The following ANKS1B variants were observed in gnomAD, a reference collection of about 807,000 sequenced individuals.
The protein encoded by ANKS1B is ankyrin repeat and sterile alpha motif domain-containing protein 1B.
ANKS1B carries 36 observed loss-of-function variants against 148.3 expected under a neutral mutation model. The ratio of observed to expected loss-of-function variants is 0.24; its 90% CI spans 0.19 to 0.32. The LOEUF (loss-of-function observed/expected upper bound fraction) is 0.32, where lower values mean the gene tolerates loss of function less well. ANKS1B is among the 10% of genes least tolerant of loss of function. The pLI, the probability that ANKS1B is intolerant of heterozygous loss-of-function variation, is 1.00. For synonymous variants in ANKS1B, 542 were observed against 560.8 expected (o/e 0.97, Z 0.47); for missense variants, 1,157 against 1,542.6 (o/e 0.75, Z 4.19).
intron 1 of ANKS1B, among the ~76,000 whole-genome samples, chr12:99,900,755 G>A (rs984302498): frequency 6.6e-6 from 1 of 152,010 alleles, no homozygotes; most frequent in Non-Finnish European, 1.5e-5. Context: ...TTAGAACCTT[G>A]GTCTTCTGAC....
intron 9 of ANKS1B, among the ~76,000 whole-genome samples, chr12:99,578,453 A>T (rs1248832920): frequency 6.6e-6 from 1 of 152,194 alleles, no homozygotes; most frequent in African/African-American, 2.4e-5. Flanking sequence ...ACACTTAGAA[A>T]ACCCCACAGT....
intron 9 of ANKS1B, among the ~76,000 whole-genome samples, chr12:99,620,877 G>A (rs1375253442): frequency 6.6e-6 from 1 of 152,098 alleles, no homozygotes; most frequent in Non-Finnish European, 1.5e-5. Flanking sequence ...TTGCTAGAGA[G>A]GTAGACATCT....
intron 14 of ANKS1B, among the ~76,000 whole-genome samples, chr12:99,181,100 G>A (rs2079060383): frequency 6.6e-6 from 1 of 152,078 alleles, no homozygotes. Context: ...GCTTTCCTTG[G>A]GTTTGTGGGT....
intron 14 of ANKS1B, among the ~76,000 whole-genome samples, chr12:99,167,095 T>C (rs1251346605): frequency 6.6e-6 from 1 of 152,048 alleles, no homozygotes; most frequent in Non-Finnish European, 1.5e-5. Context: ...TTTCATCATA[T>C]ATAAAAATTA....
At chr12:99,910,610 A>G (rs1242844299) in intron 1 of ANKS1B, among the ~76,000 whole-genome samples, 2 of 152,194 alleles carry the variant, frequency 1.3e-5, no homozygotes, top group Non-Finnish European at 2.9e-5. Context: ...AGCGATGAAC[A>G]TATTCTAAAA....
intron 17 of ANKS1B, among the ~76,000 whole-genome samples, chr12:98,973,860 C>A (rs1202224117): frequency 6.7e-6 from 1 of 149,968 alleles, no homozygotes; most frequent in Non-Finnish European, 1.5e-5. Context: ...TAGATACGTA[C>A]CTGCGATATG....
intron 25 of ANKS1B, among the ~76,000 whole-genome samples, chr12:98,767,635 TA>T (rs2098502794): frequency 6.6e-6 from 1 of 152,242 alleles, no homozygotes; most frequent in Admixed American, 6.5e-5. Flanking sequence ...TTAATGCTAT[TA>T]AAAAGGAAGA....
At chr12:99,306,460 A>G (rs1318178291) in intron 12 of ANKS1B, among the ~76,000 whole-genome samples, 1 of 151,940 alleles carries the variant, frequency 6.6e-6, no homozygotes, top group Non-Finnish European at 1.5e-5. Context: ...AACTTTCACC[A>G]CTGAATCCTT....
At chr12:99,685,608 T>C (rs1200051824) in intron 8 of ANKS1B, among the ~76,000 whole-genome samples, 2 of 152,154 alleles carry the variant, frequency 1.3e-5, no homozygotes, top group Admixed American at 6.6e-5. Context: ...GAAGTCATTA[T>C]ATGAAAAAGA....
At chr12:99,396,488 AT>A (rs1282016256) in intron 12 of ANKS1B, among the ~76,000 whole-genome samples, 1 of 152,180 alleles carries the variant, frequency 6.6e-6, no homozygotes, top group Non-Finnish European at 1.5e-5. Flanking sequence ...GAGGTGATAT[AT>A]TATCTTAGAA....
chr12:98,767,475 C>A (rs1046274742), intron 25 of ANKS1B, among the ~76,000 whole-genome samples: 1 of 152,180 alleles, frequency 6.6e-6, no homozygotes, highest in Middle Eastern at 3.2e-3. Flanking sequence ...CTGAGACCGT[C>A]TCAGCCTCGC....
chr12:99,201,638 T>C (rs969855651), intron 14 of ANKS1B, among the ~76,000 whole-genome samples: 1 of 152,154 alleles, frequency 6.6e-6, no homozygotes, highest in African/African-American at 2.4e-5. Context: ...GCATGATAAA[T>C]TTTGCATGTA....
chr12:99,114,778 A>G (rs1224517141), intron 15 of ANKS1B, among the ~76,000 whole-genome samples: 1 of 152,134 alleles, frequency 6.6e-6, no homozygotes, highest in Non-Finnish European at 1.5e-5. Flanking sequence ...TAAATTCACA[A>G]GAAATAAACA....
At position 98,829,106 on chromosome 12, in the gene ANKS1B, A is replaced by G; in HGVS notation, c.3066+68T>C. On this transcript the variant is annotated intron_variant, in intron 19 of 26. Coordinates refer to ENST00000683438, the MANE Select transcript of ANKS1B (RefSeq NM_001352186.2). The surrounding 1 kb of genome is among the most constrained non-coding windows in gnomAD (Gnocchi z 5.2). ...GGACAATAAGCATCCATAGGAAGCTACTGTTCACTATTAAAAGGCATTACC... is the reference window on the plus strand; with the variant it reads ...GGACAATAAGCATCCATAGGAAGCTGCTGTTCACTATTAAAAGGCATTACC... 1 of 1,553,984 alleles carries G rather than the reference A, an allele frequency of 6.4e-7. No individual in the cohort carries two copies. The highest frequency in any genetic ancestry group is 8.9e-7 in the Non-Finnish European group (1 of 1,129,344).
intron 9 of ANKS1B, among the ~76,000 whole-genome samples, chr12:99,556,409 G>C (rs2097276860): frequency 6.6e-6 from 1 of 151,468 alleles, no homozygotes; most frequent in South Asian, 2.1e-4. Context: ...ATTTTTTTTG[G>C]GGGGGAGCAT....
At chr12:98,773,531 T>G (rs1391902246) in intron 24 of ANKS1B, among the ~76,000 whole-genome samples, 2 of 152,150 alleles carry the variant, frequency 1.3e-5, no homozygotes, top group East Asian at 3.9e-4. Context: ...CTCGGCTCAC[T>G]GCAGCCTCCC....
intron 24 of ANKS1B, among the ~76,000 whole-genome samples, chr12:98,776,336 C>A (rs1010182408): frequency 1.3e-5 from 2 of 152,220 alleles, no homozygotes; most frequent in African/African-American, 4.8e-5. Flanking sequence ...GGTGATGCAC[C>A]TCAGTTGAAA....
intron 8 of ANKS1B, among the ~76,000 whole-genome samples, chr12:99,715,139 AT>A (rs1567700592): frequency 5.9e-5 from 9 of 151,638 alleles, no homozygotes; most frequent in Admixed American, 2.0e-4. Context: ...AAAATAAAAA[AT>A]AATAAATAAA....
In ANKS1B at chr12:99,403,577, CT is replaced by C. The variant is rs1277488457; in HGVS notation, c.1576-3767del. Among the ~76,000 whole-genome samples, 3 of 145,130 alleles carry C rather than the reference CT, an allele frequency of 2.1e-5. 1 individual carries two copies. The highest frequency in any genetic ancestry group is 1.4e-4 in the Admixed American group (2 of 14,606). ...TAGTTTGCAAAAATTTTCTCCCCTT[CT>C]GTGGGTTGTCTGTTTACTCTGTTGA... On this transcript the variant is annotated intron_variant, in intron 11 of 26. Transcript: ENST00000683438.
Sources: gnomAD v4.1 joint callset for allele counts (sites outside exome capture counted in the v4.1 genomes callset) on GRCh38, gnomAD v4.1.1 for gene constraint, Gnocchi (gnomAD v3.1) non-coding constraint, MANE v1.5 for transcripts, NCBI Gene and HGNC (gene_info 2026-07-23, HGNC 2026-07-21) for gene names.